Variants in EXOC4 observed in about 807,000 individuals in gnomAD.
EXOC4 encodes exocyst complex component 4.
Under a neutral mutation model 107.2 loss-of-function variants are expected in EXOC4, and 71 were observed. That is an observed-to-expected ratio of 0.66 (90% CI 0.55 to 0.81). EXOC4 has a LOEUF of 0.81. Among genes scored for constraint, EXOC4 ranks in the 30% least tolerant of loss-of-function variants. EXOC4 has a pLI of 0.00. For missense variants in EXOC4, 1,108 were observed against 1,189.6 expected, an observed-to-expected ratio of 0.93 and a Z score of 1.01; for synonymous variants, 456 against 441.2, an observed-to-expected ratio of 1.03 and a Z score of -0.42.
At chr7:133,615,648 C>T (rs980195569) in intron 9 of EXOC4, among the ~76,000 whole-genome samples, 3 of 151,984 alleles carry the variant, frequency 2.0e-5, no homozygotes, top group Non-Finnish European at 4.4e-5. Context: ...TGGTGCTTGG[C>T]GATTGAGATA....
intron 6 of EXOC4, among the ~76,000 whole-genome samples, chr7:133,363,479 G>C (rs1796176763): frequency 6.6e-6 from 1 of 152,046 alleles, no homozygotes; most frequent in Admixed American, 6.6e-5. Context: ...ACATGAGTTT[G>C]GACAGCTATC....
At chr7:134,058,747 C>A (rs974049513) in intron 17 of EXOC4, among the ~76,000 whole-genome samples, 1 of 152,076 alleles carries the variant, frequency 6.6e-6, no homozygotes, top group Admixed American at 6.6e-5. Context: ...TAAAAATATT[C>A]TTTTCAGTTA....
chr7:133,569,670 ATGG>A (rs916329819), intron 9 of EXOC4, among the ~76,000 whole-genome samples: 1 of 152,188 alleles, frequency 6.6e-6, no homozygotes, highest in African/African-American at 2.4e-5. Flanking sequence ...CACACACATA[ATGG>A]TGGAGTGTTG....
intron 7 of EXOC4, among the ~76,000 whole-genome samples, chr7:133,417,051 G>A (rs1356258316): frequency 6.6e-6 from 1 of 152,186 alleles, no homozygotes; most frequent in Non-Finnish European, 1.5e-5. Context: ...AGGTCTATAT[G>A]ATTATGTGAT....
chr7:133,568,726 A>G (rs1800959033), intron 9 of EXOC4, among the ~76,000 whole-genome samples: 1 of 152,176 alleles, frequency 6.6e-6, no homozygotes, highest in Non-Finnish European at 1.5e-5. Flanking sequence ...AAGAAGTGTT[A>G]TGGTAGAGAT....
intron 10 of EXOC4, among the ~76,000 whole-genome samples, chr7:133,695,195 C>A (rs917275079): frequency 3.3e-5 from 5 of 149,894 alleles, no homozygotes; most frequent in African/African-American, 9.8e-5. Flanking sequence ...TTTTTTTTTA[C>A]CTTACCACAT....
intron 17 of EXOC4, among the ~76,000 whole-genome samples, chr7:134,053,250 AAAG>A (rs1328965226): frequency 4.8e-5 from 7 of 146,294 alleles, no homozygotes; most frequent in South Asian, 4.2e-4. Context: ...AAAAAAAAAA[AAAG>A]AAGAAGAATT....
intron 10 of EXOC4, among the ~76,000 whole-genome samples, chr7:133,675,744 ATACCG>A (rs2151062373): frequency 6.6e-6 from 1 of 152,346 alleles, no homozygotes; most frequent in Admixed American, 6.5e-5. Context: ...GAGGAACTGT[ATACCG>A]TATCCCTCTA....
chr7:133,828,916 A>C (rs1797754466), intron 11 of EXOC4, among the ~76,000 whole-genome samples: 1 of 152,230 alleles, frequency 6.6e-6, no homozygotes, highest in African/African-American at 2.4e-5. Context: ...TCACACCTAC[A>C]AATCCAAGAA....
chr7:133,956,311 C>T (rs767671583), intron 14 of EXOC4, among the ~76,000 whole-genome samples: 5 of 152,118 alleles, frequency 3.3e-5, no homozygotes, highest in African/African-American at 4.8e-5. Flanking sequence ...AAGATAGAGG[C>T]GGCTCAAATA....
At chr7:133,561,022 C>G (rs556803888) in intron 9 of EXOC4, among the ~76,000 whole-genome samples, 6 of 151,930 alleles carry the variant, frequency 3.9e-5, no homozygotes, top group African/African-American at 1.5e-4. Context: ...TGGCCTTGCT[C>G]TGGTAGTCAC....
intron 3 of EXOC4, among the ~76,000 whole-genome samples, chr7:133,303,563 T>G (rs892416461): frequency 6.6e-6 from 1 of 152,216 alleles, no homozygotes; most frequent in Non-Finnish European, 1.5e-5. Context: ...GGGAAGACAG[T>G]GGCCTTGTCC....
In EXOC4 at chr7:133,275,996, G is replaced by A. The variant is rs184360566; in HGVS notation, c.276+825G>A. ...AAAAACCAAAATTCTTGAATATCAT[G>A]CTTTAATTGTGACTAATGTGTATTA... On this transcript the variant is annotated intron_variant, in intron 2 of 17. Transcript: ENST00000253861. 3.5e-4 allele frequency among the ~76,000 whole-genome samples: 53 copies of A among 151,978 alleles called. No individual in the cohort carries two copies. In the East Asian group the frequency reaches 5.0e-3, roughly 14 times the overall value.
intron 12 of EXOC4, among the ~76,000 whole-genome samples, chr7:133,896,621 A>G (rs540467875): frequency 2.0e-5 from 3 of 151,672 alleles, no homozygotes; most frequent in South Asian, 2.1e-4. Context: ...GGAGGAAGCA[A>G]TAAGACAGTT....
At chr7:133,552,818 T>G (rs759495561) in intron 9 of EXOC4, among the ~76,000 whole-genome samples, 1 of 152,186 alleles carries the variant, frequency 6.6e-6, no homozygotes, top group Non-Finnish European at 1.5e-5. Context: ...TTTTCACACT[T>G]AAATGTTTGC....
chr7:133,963,588 G>A (rs1350337457), intron 14 of EXOC4, among the ~76,000 whole-genome samples: 1 of 152,140 alleles, frequency 6.6e-6, no homozygotes, highest in African/African-American at 2.4e-5. Flanking sequence ...AAGGATTTGG[G>A]GGAAACACTG....
At chr7:133,604,702 C>CTTTTTTTTTTTTTTT (rs1801888688) in intron 9 of EXOC4, among the ~76,000 whole-genome samples, 1 of 113,124 alleles carries the variant, frequency 8.8e-6, no homozygotes, top group Non-Finnish European at 1.9e-5. Flanking sequence ...TTCCTTCCTT[C>CTTTTTTTTTTTTTTT]CTTCTTTCTT....
chr7:133,589,894 G>A (rs74611681), intron 9 of EXOC4, among the ~76,000 whole-genome samples: 8,876 of 152,190 alleles, frequency 0.058, 395 homozygotes, highest in Non-Finnish European at 0.084. Flanking sequence ...TTTGATGCAG[G>A]ATTTTTTATT....
intron 9 of EXOC4, among the ~76,000 whole-genome samples, chr7:133,602,951 A>T (rs1168519124): frequency 6.6e-6 from 1 of 152,098 alleles, no homozygotes; most frequent in African/African-American, 2.4e-5. Flanking sequence ...AGGTTTTAAG[A>T]TGTATTGTGG....
Sources: allele counts gnomAD v4.1 joint callset (sites outside exome capture counted in the v4.1 genomes callset), GRCh38; gene constraint gnomAD v4.1.1; transcripts MANE v1.5; gene names NCBI Gene and HGNC (gene_info 2026-07-23, HGNC 2026-07-21).